The following FHIT variants were observed in gnomAD, a reference collection of about 807,000 sequenced individuals.
FHIT encodes the protein fragile histidine triad diadenosine triphosphatase.
Under a neutral mutation model 17.9 loss-of-function variants are expected in FHIT, and 19 were observed. The observed-to-expected ratio is 1.06, with a 90% CI of 0.74 to 1.56. FHIT has a LOEUF of 1.56. Ranked by LOEUF, FHIT falls within the 40% of genes most tolerant of loss-of-function variation. FHIT has a pLI of 0.00. For synonymous variants in FHIT, 81 were observed against 69.7 expected (o/e 1.16, Z -0.81); for missense variants, 248 against 189.2 (o/e 1.31, Z -1.82).
intron 5 of FHIT, among the ~76,000 whole-genome samples, chr3:60,182,696 T>A (rs1185196225): frequency 1.3e-5 from 2 of 151,902 alleles, no homozygotes; most frequent in Non-Finnish European, 2.9e-5. Flanking sequence ...GGTAGGAGGA[T>A]CACTTGAGCC....
chr3:60,518,358 G>GTA (rs1411113235), intron 5 of FHIT, among the ~76,000 whole-genome samples: 1 of 152,156 alleles, frequency 6.6e-6, no homozygotes, highest in Admixed American at 6.5e-5. Context: ...TAAAGGTAAT[G>GTA]TATATATATG....
intron 5 of FHIT, among the ~76,000 whole-genome samples, chr3:60,054,569 C>A (rs1249475875): frequency 6.6e-6 from 1 of 152,178 alleles, no homozygotes; most frequent in African/African-American, 2.4e-5. Context: ...GAAGTTCTTT[C>A]AGCCTCTTAA....
At chr3:61,039,430 C>T (rs1029269187) in intron 3 of FHIT, among the ~76,000 whole-genome samples, 1 of 152,032 alleles carries the variant, frequency 6.6e-6, no homozygotes, top group Non-Finnish European at 1.5e-5. Context: ...TCCCTTGTGC[C>T]CTATATTCTT....
At chr3:59,796,099 G>C (rs1165561950) in intron 8 of FHIT, among the ~76,000 whole-genome samples, 1 of 152,182 alleles carries the variant, frequency 6.6e-6, no homozygotes, top group Non-Finnish European at 1.5e-5. Context: ...AGCAAGACAT[G>C]ATTCTCCCTA....
chr3:61,002,019 C>T (rs2031118817), intron 3 of FHIT, among the ~76,000 whole-genome samples: 1 of 152,054 alleles, frequency 6.6e-6, no homozygotes, highest in African/African-American at 2.4e-5. Flanking sequence ...CTTTAATTGA[C>T]AAATAATACT....
intron 2 of FHIT, among the ~76,000 whole-genome samples, chr3:61,159,635 T>G (rs958549298): frequency 1.3e-5 from 2 of 152,252 alleles, no homozygotes; most frequent in Non-Finnish European, 2.9e-5. Flanking sequence ...ATGTTTACTT[T>G]GCTAATTCTC....
chr3:60,895,774 G>C (rs1705781396), intron 3 of FHIT, among the ~76,000 whole-genome samples: 1 of 141,046 alleles, frequency 7.1e-6, no homozygotes, highest in Non-Finnish European at 1.5e-5. Flanking sequence ...TGATTCTTAA[G>C]TGTCCCATTT....
rs377491033 is a variant in FHIT, at chr3:61,213,790, A to C, written c.-212-13125T>G. ...TCCTGAGCAAATGTAAAAGAACAGA[A>C]ATTATAACAAATTGTCTCTCAGACC... On this transcript the variant is annotated intron_variant, in intron 1 of 9. Transcript: ENST00000492590. 3.9e-5 allele frequency among the ~76,000 whole-genome samples: 6 copies of C among 152,254 alleles called. No homozygotes were observed. In the East Asian group the frequency reaches 9.6e-4, roughly 24 times the overall value.
At chr3:60,912,695 A>G (rs1706807113) in intron 3 of FHIT, 1 of 499,452 alleles carries the variant, frequency 2.0e-6, no homozygotes, top group African/African-American at 2.0e-5. Flanking sequence ...CACCAGAGGA[A>G]TCTATGTAAC....
chr3:60,151,697 C>A (rs1191738218), intron 5 of FHIT, among the ~76,000 whole-genome samples: 1 of 152,144 alleles, frequency 6.6e-6, no homozygotes, highest in African/African-American at 2.4e-5. Context: ...TTTCTCTCCT[C>A]GGGGGCTTTA....
intron 5 of FHIT, among the ~76,000 whole-genome samples, chr3:60,425,005 C>T (rs369150333): frequency 2.0e-5 from 3 of 152,150 alleles, no homozygotes; most frequent in Admixed American, 6.5e-5. Flanking sequence ...TTGCAATAAG[C>T]GTGGGGCAAA....
chr3:60,339,750 A>G (rs1710423664), intron 5 of FHIT, among the ~76,000 whole-genome samples: 1 of 152,204 alleles, frequency 6.6e-6, no homozygotes, highest in African/African-American at 2.4e-5. Flanking sequence ...AGATGTGTGC[A>G]CAGAAACCAA....
At chr3:60,571,985 G>A (rs185100442) in intron 4 of FHIT, among the ~76,000 whole-genome samples, 10 of 152,160 alleles carry the variant, frequency 6.6e-5, no homozygotes, top group South Asian at 2.1e-4. Flanking sequence ...ATAAAATGAC[G>A]GCTTGGATCA....
chr3:60,131,330 T>C (rs1699589216), intron 5 of FHIT, among the ~76,000 whole-genome samples: 1 of 151,126 alleles, frequency 6.6e-6, no homozygotes, highest in Non-Finnish European at 1.5e-5. Context: ...ATTGTTGTAT[T>C]ACTTTTTATG....
At position 59,748,914 on chromosome 3, in the gene FHIT, C is replaced by A. The variant is rs1700734318; in HGVS notation, c.*671G>T. 6.6e-6 allele frequency among the ~76,000 whole-genome samples: 1 copy of A among 152,080 alleles called. No homozygotes were observed. Among genetic ancestry groups the A allele is most frequent in the Admixed American group, 6.6e-5 (1 of 15,262 alleles). On this transcript the variant is annotated 3_prime_UTR_variant, in exon 10 of 10. Transcript: ENST00000492590. Reference sequence around the variant, plus strand: ...TAGTGTTATCAATTCCAGGGCTGAGCCCTATCATGTCTGCCTCTGTGCATG... The same window carrying A: ...TAGTGTTATCAATTCCAGGGCTGAGACCTATCATGTCTGCCTCTGTGCATG...
At chr3:60,116,053 T>C (rs943176239) in intron 5 of FHIT, among the ~76,000 whole-genome samples, 1 of 152,192 alleles carries the variant, frequency 6.6e-6, no homozygotes, top group Non-Finnish European at 1.5e-5. Context: ...CATCCAATGA[T>C]GTCATGAACA....
At chr3:60,414,319 T>TACTAGGAA (rs1702168847) in intron 5 of FHIT, among the ~76,000 whole-genome samples, 1 of 152,174 alleles carries the variant, frequency 6.6e-6, no homozygotes, top group Non-Finnish European at 1.5e-5. Context: ...AAGCACACTT[T>TACTAGGAA]GCAGAATTAC....
rs552761266 is a variant in FHIT, at chr3:61,156,753, G to A, written c.-164+43864C>T. Among the ~76,000 whole-genome samples the A allele has an allele frequency of 3.7e-4, 57 of 152,272 alleles. 2 individuals carry two copies. Among genetic ancestry groups the A allele is most frequent in the African/African-American group, 1.3e-3 (55 of 41,570 alleles). On this transcript the variant is annotated intron_variant, in intron 2 of 9. Coordinates refer to ENST00000492590, the MANE Select transcript of FHIT (RefSeq NM_002012.4). ...ATATCCACTTCATTAACATCTTTCTGTAATTAGCAACATCATGCCAATGCT... is the reference window on the plus strand; with the variant it reads ...ATATCCACTTCATTAACATCTTTCTATAATTAGCAACATCATGCCAATGCT...
intron 8 of FHIT, among the ~76,000 whole-genome samples, chr3:59,814,559 G>T (rs1297794102): frequency 1.3e-5 from 2 of 152,212 alleles, no homozygotes; most frequent in Non-Finnish European, 2.9e-5. Flanking sequence ...AACATCAAAT[G>T]TCGAAATTTG....
Sources: allele counts gnomAD v4.1 joint callset (sites outside exome capture counted in the v4.1 genomes callset), GRCh38; gene constraint gnomAD v4.1.1; transcripts MANE v1.5; gene names NCBI Gene and HGNC (gene_info 2026-07-23, HGNC 2026-07-21).